The following APBA2 variants were observed in gnomAD, a reference collection of about 807,000 sequenced individuals.
The protein encoded by APBA2 is amyloid beta precursor protein binding family A member 2, also known as amyloid-beta A4 precursor protein-binding family A member 2.
In APBA2, 30 loss-of-function variants were observed where a neutral mutation model predicts 75.0. The ratio of observed to expected loss-of-function variants is 0.40; its 90% CI spans 0.30 to 0.54. The LOEUF (loss-of-function observed/expected upper bound fraction) is 0.54, where lower values mean the gene tolerates loss of function less well. Among genes scored for constraint, APBA2 ranks in the 20% least tolerant of loss-of-function variants. The probability of loss-of-function intolerance (pLI) is 0.49; values close to 1 mark genes in which losing one functional copy is unlikely to be tolerated. For synonymous variants in APBA2, 444 were observed against 409.6 expected (o/e 1.08, Z -1.01); for missense variants, 801 against 1,016.1 (o/e 0.79, Z 2.88).
intron 6 of APBA2, among the ~76,000 whole-genome samples, chr15:29,076,707 G>C (rs757094225): frequency 7.2e-5 from 11 of 152,118 alleles, no homozygotes; most frequent in Non-Finnish European, 1.6e-4. Context: ...CAGGATTTCT[G>C]TCTTTGCCAG....
At chr15:28,981,852 A>G (rs1251495239) in intron 2 of APBA2, among the ~76,000 whole-genome samples, 4 of 152,212 alleles carry the variant, frequency 2.6e-5, no homozygotes, top group Non-Finnish European at 5.9e-5. Context: ...CATGTCCTTT[A>G]CAGCAACATA....
intron 2 of APBA2, among the ~76,000 whole-genome samples, chr15:28,983,100 C>T (rs1184314293): frequency 1.3e-5 from 2 of 152,168 alleles, no homozygotes; most frequent in African/African-American, 4.8e-5. Context: ...TCCCCTGGTG[C>T]AGACCCTGGA....
In APBA2 at chr15:29,002,402, G is replaced by T. The variant is rs139314340; in HGVS notation, c.-41+6596G>T. ...ACTAATCTCCTTTCTTGGGCAAATC[G>T]CTTAATCTCCTTCAATCAGTTCATA... On this transcript the variant is annotated intron_variant, in intron 3 of 14. Transcript: ENST00000683413. 1.2e-4 allele frequency among the ~76,000 whole-genome samples: 19 copies of T among 152,276 alleles called. No homozygotes were observed. In the East Asian group the frequency reaches 3.7e-3, roughly 29 times the overall value.
Position 28,918,151 on chromosome 15 carries a change from CT to C in APBA2, c.-204-3488del, listed in dbSNP as rs1314029136. 1.3e-5 allele frequency among the ~76,000 whole-genome samples: 2 copies of C among 152,194 alleles called. No individual in the cohort carries two copies. Among genetic ancestry groups the C allele is most frequent in the African/African-American group, 4.8e-5 (2 of 41,456 alleles). ...GGGAAGGCCTGCAGGCTGAGGTGGT[CT>C]GCTTTGAGTTTTGCAGCGTTGCCTG... On this transcript the variant is annotated intron_variant, in intron 1 of 14. Coordinates refer to ENST00000683413, the MANE Select transcript of APBA2 (RefSeq NM_001353788.2). The surrounding 1 kb of genome is among the most constrained non-coding windows in gnomAD (Gnocchi z 4.2).
chr15:29,073,005 C>G (rs2042691552), intron 4 of APBA2, among the ~76,000 whole-genome samples: 1 of 152,232 alleles, frequency 6.6e-6, no homozygotes. Context: ...CCCATTGCCT[C>G]TGAAATCCGG....
At chr15:29,034,325 A>G (rs1021913118) in intron 3 of APBA2, among the ~76,000 whole-genome samples, 6 of 152,086 alleles carry the variant, frequency 3.9e-5, no homozygotes. Context: ...GGCATCACCA[A>G]CCTCCATCCT....
intron 3 of APBA2, among the ~76,000 whole-genome samples, chr15:29,050,984 G>T (rs921759699): frequency 6.6e-6 from 1 of 151,962 alleles, no homozygotes; most frequent in Admixed American, 6.5e-5. Context: ...CTGACGTCAA[G>T]ACATGGACGT....
At chr15:29,033,385 C>T (rs2040580514) in intron 3 of APBA2, among the ~76,000 whole-genome samples, 1 of 152,128 alleles carries the variant, frequency 6.6e-6, no homozygotes, top group Admixed American at 6.5e-5. Context: ...TTCCCTGTGC[C>T]TTAAACCCCT....
chr15:29,095,866 T>G (rs2043825654), intron 8 of APBA2, among the ~76,000 whole-genome samples: 1 of 152,150 alleles, frequency 6.6e-6, no homozygotes, highest in Non-Finnish European at 1.5e-5. Context: ...AGACTTGCAG[T>G]TGGGGTGTGC....
At chr15:29,044,027 A>G (rs192037229) in intron 3 of APBA2, among the ~76,000 whole-genome samples, 296 of 152,350 alleles carry the variant, frequency 1.9e-3, no homozygotes, top group Non-Finnish European at 3.1e-3. Context: ...TTTGAAAGGA[A>G]CAAAATAATA....
At chr15:29,099,422 G>T (rs1036842387) in intron 9 of APBA2, among the ~76,000 whole-genome samples, 2 of 152,228 alleles carry the variant, frequency 1.3e-5, no homozygotes, top group Non-Finnish European at 2.9e-5. Context: ...TCCCTGGCAA[G>T]GGGCTGTGAC....
At chr15:29,065,769 C>G (rs964768616) in intron 4 of APBA2, among the ~76,000 whole-genome samples, 3 of 152,198 alleles carry the variant, frequency 2.0e-5, no homozygotes, top group Admixed American at 2.0e-4. Flanking sequence ...AAGCTATTGT[C>G]CCCTCCTCCA....
chr15:29,011,447 TTTG>T (rs2152815546), intron 3 of APBA2, among the ~76,000 whole-genome samples: 1 of 147,704 alleles, frequency 6.8e-6, no homozygotes, highest in South Asian at 2.2e-4. Flanking sequence ...TGGTTATATT[TTTG>T]TTATTTATTT....
At chr15:29,116,140 C>A (rs1490609612) in intron 14 of APBA2, among the ~76,000 whole-genome samples, 1 of 152,178 alleles carries the variant, frequency 6.6e-6, no homozygotes, top group Admixed American at 6.5e-5. Context: ...GCGCCACCCA[C>A]ACGGTTGGTC....
intron 4 of APBA2, among the ~76,000 whole-genome samples, chr15:29,068,164 G>C (rs1218714868): frequency 6.6e-6 from 1 of 152,222 alleles, no homozygotes; most frequent in African/African-American, 2.4e-5. Context: ...CCTTCTGGGA[G>C]AACTGCAAGC....
At chr15:28,950,827 C>T (rs1174259595) in intron 2 of APBA2, among the ~76,000 whole-genome samples, 1 of 152,120 alleles carries the variant, frequency 6.6e-6, no homozygotes, top group East Asian at 1.9e-4. Flanking sequence ...TTTATTTATT[C>T]AAACATTTAC....
chr15:29,045,189 T>C (rs2152871211), intron 3 of APBA2, among the ~76,000 whole-genome samples: 1 of 151,134 alleles, frequency 6.6e-6, no homozygotes, highest in South Asian at 2.1e-4. Context: ...GTGATTCTCT[T>C]TGCCTCAGCC....
At position 28,931,695 on chromosome 15, in the gene APBA2, C is replaced by T. The variant is rs145860646; in HGVS notation, c.-95+9946C>T. On this transcript the variant is annotated intron_variant, in intron 2 of 14. Coordinates refer to ENST00000683413, the MANE Select transcript of APBA2 (RefSeq NM_001353788.2). The stretch of plus-strand genomic sequence containing the variant: ...CTGAGAGTCCAAAGTGGTTGTTTTC[C>T]GGAGTTTGGCAGTACCTAAGGGTTA... 6.4e-4 allele frequency among the ~76,000 whole-genome samples: 98 copies of T among 152,148 alleles called. 2 individuals are homozygous for T. The East Asian group carries it at 0.019, about 29-fold the overall frequency.
At chr15:28,974,317 A>G (rs2037218838) in intron 2 of APBA2, among the ~76,000 whole-genome samples, 1 of 152,228 alleles carries the variant, frequency 6.6e-6, no homozygotes, top group African/African-American at 2.4e-5. Flanking sequence ...TTCACATAAC[A>G]TCACCAGAAC....
Sources: allele counts gnomAD v4.1 joint callset (sites outside exome capture counted in the v4.1 genomes callset), GRCh38; gene constraint gnomAD v4.1.1; non-coding constraint Gnocchi (gnomAD v3.1); transcripts MANE v1.5; gene names NCBI Gene and HGNC (gene_info 2026-07-23, HGNC 2026-07-21).